The following PPP4R4 variants were observed in gnomAD, a reference collection of about 807,000 sequenced individuals.
PPP4R4 encodes protein phosphatase 4 regulatory subunit 4.
Under a neutral mutation model 121.8 loss-of-function variants are expected in PPP4R4, and 70 were observed. The ratio of observed to expected loss-of-function variants is 0.57; its 90% confidence interval spans 0.47 to 0.70. PPP4R4 has a LOEUF of 0.70. Ranked by LOEUF, PPP4R4 falls within the 30% of genes least tolerant of loss-of-function variation. The pLI, the probability that PPP4R4 is intolerant of heterozygous loss-of-function variation, is 0.00. For synonymous variants in PPP4R4, 348 were observed against 355.7 expected (o/e 0.98, Z 0.24); for missense variants, 875 against 1,033.6 (o/e 0.85, Z 2.10).
At chr14:94,193,348 T>C (rs1595458266) in intron 2 of PPP4R4, among the ~76,000 whole-genome samples, 1 of 152,108 alleles carries the variant, frequency 6.6e-6, no homozygotes, top group Non-Finnish European at 1.5e-5. Context: ...TTTGGAGTAG[T>C]ACAGGCTGCA....
intron 8 of PPP4R4, 38 bp from the exon 9 acceptor site, chr14:94,240,635 T>C: frequency 1.3e-6 from 2 of 1,576,086 alleles, no homozygotes; most frequent in East Asian, 4.7e-5. Context: ...TGTGGACGAC[T>C]GAATTTAAAG....
At chr14:94,196,672 T>C (rs1889894290) in intron 2 of PPP4R4, among the ~76,000 whole-genome samples, 1 of 152,126 alleles carries the variant, frequency 6.6e-6, no homozygotes, top group Non-Finnish European at 1.5e-5. Context: ...TCTTGAAGTA[T>C]TATTGTGTTT....
intron 3 of PPP4R4, among the ~76,000 whole-genome samples, chr14:94,229,418 CT>C (rs1454920458): frequency 6.6e-6 from 1 of 152,040 alleles, no homozygotes; most frequent in Non-Finnish European, 1.5e-5. Flanking sequence ...ATGACATTTA[CT>C]ATTTATCAGG....
intron 2 of PPP4R4, among the ~76,000 whole-genome samples, chr14:94,198,767 T>C (rs1271778208): frequency 6.6e-6 from 1 of 152,204 alleles, no homozygotes; most frequent in East Asian, 1.9e-4. Flanking sequence ...CACCACCACT[T>C]GTTGAAAAGA....
intron 3 of PPP4R4, among the ~76,000 whole-genome samples, chr14:94,209,234 CA>C (rs1890615613): frequency 1.3e-5 from 2 of 151,786 alleles, no homozygotes; most frequent in South Asian, 4.2e-4. Context: ...AAACAGACAC[CA>C]GTGTGTGTGT....
At chr14:94,254,162 C>T (rs939591441) in intron 16 of PPP4R4, among the ~76,000 whole-genome samples, 2 of 152,192 alleles carry the variant, frequency 1.3e-5, no homozygotes, top group East Asian at 3.9e-4. Flanking sequence ...TCTCATGGGC[C>T]CAGGAGTCTC....
intron 19 of PPP4R4, among the ~76,000 whole-genome samples, chr14:94,262,496 A>G (rs918074391): frequency 6.6e-6 from 1 of 151,914 alleles, no homozygotes; most frequent in Admixed American, 6.6e-5. Context: ...TACAGTCTAC[A>G]TATTGTTATT....
intron 2 of PPP4R4, among the ~76,000 whole-genome samples, chr14:94,176,902 CTTT>C (rs376877084): frequency 6.6e-6 from 1 of 151,406 alleles, no homozygotes; most frequent in African/African-American, 2.4e-5. Context: ...ATTAGTCACT[CTTT>C]TTTTTTCCAG....
intron 23 of PPP4R4, among the ~76,000 whole-genome samples, chr14:94,267,856 T>C (rs543124685): frequency 6.6e-6 from 1 of 152,296 alleles, no homozygotes; most frequent in East Asian, 1.9e-4. Flanking sequence ...TTCTGTCTTC[T>C]TTTTCTTTTT....
chr14:94,275,667 T>C (rs1894599670), intron 24 of PPP4R4, 146 bp downstream of exon 24: 1 of 911,856 alleles, frequency 1.1e-6, no homozygotes, highest in Non-Finnish European at 1.6e-6. Flanking sequence ...TTGTCACATG[T>C]GACTCTGTTA....
rs1891225667 is a variant in PPP4R4, at chr14:94,218,928, A to C, written c.294+10362A>C. Among the ~76,000 whole-genome samples the C allele has an allele frequency of 2.6e-5, 4 of 152,278 alleles. No homozygotes were observed. The South Asian group carries it at 8.3e-4, about 32-fold the overall frequency. On this transcript the variant is annotated intron_variant, in intron 3 of 24. Coordinates refer to ENST00000304338, the MANE Select transcript of PPP4R4 (RefSeq NM_058237.2). ...CTGAAAGTAAAAAGCAAAAATTAAAAAGTCAACTGAAATATATACCCAGTT... is the reference window on the plus strand; with the variant it reads ...CTGAAAGTAAAAAGCAAAAATTAAACAGTCAACTGAAATATATACCCAGTT...
intron 8 of PPP4R4, among the ~76,000 whole-genome samples, chr14:94,240,178 A>G (rs1402982577): frequency 1.3e-5 from 2 of 152,342 alleles, no homozygotes; most frequent in East Asian, 3.9e-4. Flanking sequence ...AGAGCCATCT[A>G]AGAAGTAAAA....
At chr14:94,188,575 A>G (rs928354780) in intron 2 of PPP4R4, among the ~76,000 whole-genome samples, 4 of 151,546 alleles carry the variant, frequency 2.6e-5, no homozygotes, top group African/African-American at 9.7e-5. Context: ...ATATATATAT[A>G]TGTGTGTATA....
Position 94,183,287 on chromosome 14 carries a change from G to T in PPP4R4, c.191+7160G>T, listed in dbSNP as rs147215871. Among the ~76,000 whole-genome samples, 256 of 152,270 alleles carry T rather than the reference G, an allele frequency of 1.7e-3. 1 individual carries two copies. The highest frequency in any genetic ancestry group is 2.9e-3 in the Non-Finnish European group (199 of 67,994). ...AAAATTGCCCACGTTGTCATCCTCT[G>T]TGAAGATGATGTACAAATGACTTGC... On this transcript the variant is annotated intron_variant, in intron 2 of 24. Transcript: ENST00000304338.
chr14:94,182,087 A>G (rs1220857822), intron 2 of PPP4R4, among the ~76,000 whole-genome samples: 4 of 152,170 alleles, frequency 2.6e-5, no homozygotes, highest in African/African-American at 9.6e-5. Context: ...AGAGAGATAC[A>G]TACCATCTCC....
intron 2 of PPP4R4, among the ~76,000 whole-genome samples, chr14:94,187,591 C>T (rs11849772): frequency 0.031 from 4,681 of 152,016 alleles, 200 homozygotes; most frequent in African/African-American, 0.09. Context: ...TCACTCCAAA[C>T]TAAACTTCAG....
At chr14:94,274,278 A>G (rs1234468870) in intron 23 of PPP4R4, among the ~76,000 whole-genome samples, 4 of 152,120 alleles carry the variant, frequency 2.6e-5, no homozygotes, top group African/African-American at 4.8e-5. Flanking sequence ...AAACAAAAAT[A>G]TCAACACACT....
At chr14:94,269,934 A>G (rs1010261883) in intron 23 of PPP4R4, among the ~76,000 whole-genome samples, 1 of 152,198 alleles carries the variant, frequency 6.6e-6, no homozygotes, top group Admixed American at 6.5e-5. Flanking sequence ...AGTTGCTATT[A>G]GATAAAATAA....
At chr14:94,223,471 C>T (rs1891524573) in intron 3 of PPP4R4, among the ~76,000 whole-genome samples, 2 of 152,280 alleles carry the variant, frequency 1.3e-5, no homozygotes, top group Non-Finnish European at 2.9e-5. Flanking sequence ...TTCCCTACTG[C>T]AGAGGGGCTT....
Sources: allele counts gnomAD v4.1 joint callset (sites outside exome capture counted in the v4.1 genomes callset), GRCh38; gene constraint gnomAD v4.1.1; transcripts MANE v1.5; gene names NCBI Gene and HGNC (gene_info 2026-07-23, HGNC 2026-07-21).